ARHGAP10: variants seen among roughly 807,000 people sequenced by gnomAD.
The protein encoded by ARHGAP10 is Rho GTPase activating protein 10.
In ARHGAP10, 87 loss-of-function variants were observed where a neutral mutation model predicts 108.6. The observed-to-expected ratio is 0.80, with a 90% CI of 0.67 to 0.96. ARHGAP10 has a LOEUF of 0.96. Among genes scored for constraint, ARHGAP10 ranks in the 40% least tolerant of loss-of-function variants. The probability of loss-of-function intolerance (pLI) is 0.00; values close to 1 mark genes in which losing one functional copy is unlikely to be tolerated. For missense variants in ARHGAP10, 939 were observed against 954.5 expected (o/e 0.98, Z 0.21); for synonymous variants, 347 against 341.1 (o/e 1.02, Z -0.19).
At chr4:148,063,047 A>G in intron 20 of ARHGAP10, 101 bp from the exon 21 acceptor site, 1 of 1,401,714 alleles carries the variant, frequency 7.1e-7, no homozygotes, top group Non-Finnish European at 9.9e-7. Context: ...CAGGCATGAT[A>G]GGGGAATTAG....
intron 1 of ARHGAP10, among the ~76,000 whole-genome samples, chr4:147,820,868 G>T (rs531543567): frequency 6.6e-6 from 1 of 152,238 alleles, no homozygotes; most frequent in South Asian, 2.1e-4. Context: ...TGGGATGACA[G>T]GCGTGAACCA....
At chr4:148,030,410 T>G (rs1192085214) in intron 19 of ARHGAP10, among the ~76,000 whole-genome samples, 2 of 152,250 alleles carry the variant, frequency 1.3e-5, no homozygotes, top group Non-Finnish European at 2.9e-5. Context: ...TTGTTTATCC[T>G]GAATGAAATG....
At chr4:147,779,219 G>T (rs908138373) in intron 1 of ARHGAP10, among the ~76,000 whole-genome samples, 1 of 152,154 alleles carries the variant, frequency 6.6e-6, no homozygotes, top group African/African-American at 2.4e-5. Flanking sequence ...CATGTAAGCT[G>T]CGGCCAGAGG....
chr4:147,784,570 T>C (rs1730732485), intron 1 of ARHGAP10, among the ~76,000 whole-genome samples: 1 of 115,048 alleles, frequency 8.7e-6, no homozygotes, highest in Admixed American at 1.1e-4. Flanking sequence ...TATTATGCAA[T>C]TTATAAAATA....
intron 20 of ARHGAP10, among the ~76,000 whole-genome samples, chr4:148,049,128 T>TTA (rs549549486): frequency 1.3e-5 from 2 of 152,128 alleles, no homozygotes; most frequent in Non-Finnish European, 2.9e-5. Context: ...AGATTTGTCA[T>TTA]TATGTTAGGA....
intron 10 of ARHGAP10, among the ~76,000 whole-genome samples, chr4:147,887,375 TTTTC>T (rs1347861655): frequency 3.3e-5 from 5 of 152,024 alleles, no homozygotes; most frequent in African/African-American, 1.2e-4. Flanking sequence ...CAACTCTACT[TTTTC>T]TTTCTTGTTA....
intron 18 of ARHGAP10, among the ~76,000 whole-genome samples, chr4:148,009,482 A>G (rs1181557981): frequency 6.6e-6 from 1 of 152,156 alleles, no homozygotes; most frequent in Non-Finnish European, 1.5e-5. Flanking sequence ...AAAAAATGTT[A>G]AGATCCTCTG....
At chr4:148,045,644 A>T (rs1309496977) in intron 19 of ARHGAP10, among the ~76,000 whole-genome samples, 1 of 147,780 alleles carries the variant, frequency 6.8e-6, no homozygotes, top group Non-Finnish European at 1.5e-5. Context: ...AGGCTGAGGC[A>T]GGAGAACTGC....
At chr4:147,900,831 A>G (rs7677632) in intron 10 of ARHGAP10, among the ~76,000 whole-genome samples, 26,107 of 151,542 alleles carry the variant, frequency 0.17, 3,391 homozygotes, top group African/African-American at 0.35. Flanking sequence ...AACAACAACA[A>G]CAACAACAAC....
intron 3 of ARHGAP10, among the ~76,000 whole-genome samples, chr4:147,842,862 A>G (rs1733470513): frequency 6.6e-6 from 1 of 152,138 alleles, no homozygotes; most frequent in South Asian, 2.1e-4. Context: ...GCTGGAGAAA[A>G]TCCCACAATA....
chr4:147,941,475 G>A lies in ARHGAP10; in HGVS notation c.1303+1576G>A, dbSNP rs140490244. On this transcript the variant is annotated intron_variant, in intron 14 of 22. Coordinates refer to ENST00000336498, the MANE Select transcript of ARHGAP10 (RefSeq NM_024605.4). ...AAACCCTCAAAAAATTCGTGACCTG[G>A]AAAACTGTTTTTACTTTTCATGGGC... 9.1e-3 allele frequency among the ~76,000 whole-genome samples: 1,387 copies of A among 152,262 alleles called. 30 individuals are homozygous for A. Among genetic ancestry groups the A allele is most frequent in the African/African-American group, 0.031 (1,299 of 41,548 alleles).
intron 8 of ARHGAP10, among the ~76,000 whole-genome samples, chr4:147,878,667 CTG>C (rs1215360411): frequency 1.3e-5 from 2 of 152,022 alleles, no homozygotes; most frequent in Non-Finnish European, 2.9e-5. Context: ...TAGGACATAA[CTG>C]TTGATTTTTC....
At chr4:147,778,366 A>G (rs1348343566) in intron 1 of ARHGAP10, among the ~76,000 whole-genome samples, 1 of 151,928 alleles carries the variant, frequency 6.6e-6, no homozygotes, top group Non-Finnish European at 1.5e-5. Flanking sequence ...GTGTGCTACA[A>G]CTCTTTAACC....
rs566761161 is a variant in ARHGAP10 at position 147,956,719 on chromosome 4, A to G, written c.1450+1345A>G. 2.0e-4 allele frequency among the ~76,000 whole-genome samples: 30 copies of G among 152,054 alleles called. 1 individual carries two copies. The South Asian group carries it at 6.2e-3, about 32-fold the overall frequency. On this transcript the variant is annotated intron_variant, in intron 16 of 22. Transcript: ENST00000336498. ...ATCCTTTGAGAATTAGAGAAAGATA[A>G]AGTGATTATGGAATAAGGTTTTTTT...
At chr4:147,783,901 TTATA>T (rs1310443057) in intron 1 of ARHGAP10, among the ~76,000 whole-genome samples, 19 of 113,576 alleles carry the variant, frequency 1.7e-4, no homozygotes, top group African/African-American at 6.7e-4. Context: ...TGTATTATAT[TTATA>T]TAACACACAT....
At chr4:148,003,843 A>G (rs191198376) in intron 18 of ARHGAP10, among the ~76,000 whole-genome samples, 4 of 114,254 alleles carry the variant, frequency 3.5e-5, no homozygotes, top group Non-Finnish European at 5.0e-5. Context: ...CAGCACACTG[A>G]TAGGTCTTGA....
intron 1 of ARHGAP10, among the ~76,000 whole-genome samples, chr4:147,776,287 T>G (rs1340689264): frequency 2.6e-5 from 4 of 151,814 alleles, no homozygotes; most frequent in Non-Finnish European, 1.5e-5. Flanking sequence ...TGGTGTGATC[T>G]CGGCTCACTG....
intron 5 of ARHGAP10, among the ~76,000 whole-genome samples, chr4:147,860,731 T>G: frequency 6.6e-6 from 1 of 152,258 alleles, no homozygotes; most frequent in East Asian, 1.9e-4. Flanking sequence ...GAAGCAGATT[T>G]CCTAAATAAC....
intron 1 of ARHGAP10, among the ~76,000 whole-genome samples, chr4:147,771,567 A>C (rs1308846256): frequency 6.6e-6 from 1 of 152,076 alleles, no homozygotes; most frequent in Non-Finnish European, 1.5e-5. Flanking sequence ...GTACCCATTC[A>C]AGTGTTGTGT....
Sources: gnomAD v4.1 joint callset for allele counts (sites outside exome capture counted in the v4.1 genomes callset) on GRCh38, gnomAD v4.1.1 for gene constraint, MANE v1.5 for transcripts, NCBI Gene and HGNC (gene_info 2026-07-23, HGNC 2026-07-21) for gene names.